The following TMEM248 variants were observed in gnomAD, a reference collection of about 807,000 sequenced individuals.
The protein encoded by TMEM248 is transmembrane protein 248.
Under a neutral mutation model 30.3 loss-of-function variants are expected in TMEM248, and 9 were observed. The ratio of observed to expected loss-of-function variants is 0.30; its 90% confidence interval spans 0.18 to 0.52. TMEM248 has a LOEUF of 0.52. TMEM248 is among the 20% of genes least tolerant of loss of function. The pLI, the probability that TMEM248 is intolerant of heterozygous loss-of-function variation, is 0.97. For synonymous variants in TMEM248, 184 were observed against 154.4 expected (o/e 1.19, Z -1.42); for missense variants, 338 against 403.3 (o/e 0.84, Z 1.39).
chr7:66,933,879 C>G (rs1215058238), intron 1 of TMEM248, among the ~76,000 whole-genome samples: 1 of 152,148 alleles, frequency 6.6e-6, no homozygotes, highest in East Asian at 1.9e-4. Context: ...CTTTCTTCAT[C>G]TTGGTCAATA....
intron 1 of TMEM248, among the ~76,000 whole-genome samples, chr7:66,931,930 A>G (rs1276293790): frequency 1.3e-5 from 2 of 148,528 alleles, no homozygotes; most frequent in African/African-American, 5.0e-5. Context: ...TCAGCCTCTC[A>G]AGTAGCTGGG....
intron 1 of TMEM248, among the ~76,000 whole-genome samples, chr7:66,925,571 A>C (rs1791501220): frequency 6.6e-6 from 1 of 152,098 alleles, no homozygotes; most frequent in Non-Finnish European, 1.5e-5. Context: ...GCTTCTGTCC[A>C]TGTTGTGGCA....
Position 66,948,632 on chromosome 7 carries a change from G to A in TMEM248, c.534G>A (p.Glu178=). 1 of 1,614,156 alleles carries A rather than the reference G, an allele frequency of 6.2e-7. No homozygotes were observed. The highest frequency in any genetic ancestry group is 1.1e-5 in the South Asian group (1 of 91,076). ...SDDCALHGHC[E]QVVFTACMTL... is the part of the protein sequence containing the mutation. ...ACTGCGCCCTCCACGGTCACTGTGAGCAGGTGGTATTCACAGCCTGCATGA... is the reference window on the plus strand; with the variant it reads ...ACTGCGCCCTCCACGGTCACTGTGAACAGGTGGTATTCACAGCCTGCATGA... Residue 178 remains glutamate (E), a synonymous_variant, in exon 4 of 7, where the codon GAG becomes GAA. Transcript: ENST00000341567.
In TMEM248 at chr7:66,948,646, C is replaced by T; in HGVS notation, c.548C>T (p.Thr183Ile). ...LHGHCEQVVF[T>I]ACMTLTASPG... Reference sequence around the variant, plus strand: ...GGTCACTGTGAGCAGGTGGTATTCACAGCCTGCATGACCCTCACGGCCAGC... The same window carrying T: ...GGTCACTGTGAGCAGGTGGTATTCATAGCCTGCATGACCCTCACGGCCAGC... The change falls in exon 4 of 7, where the codon ACA becomes ATA. Residue 183 changes from threonine (T) to isoleucine (I), a missense_variant. Thr to Ile is a moderately conservative substitution (Grantham distance 89). Transcript: ENST00000341567. 1 of 1,614,110 alleles carries T rather than the reference C, an allele frequency of 6.2e-7. No homozygotes were observed. The highest frequency in any genetic ancestry group is 8.5e-7 in the Non-Finnish European group (1 of 1,179,966).
chr7:66,924,885 TA>T, intron 1 of TMEM248, among the ~76,000 whole-genome samples: 1 of 151,434 alleles, frequency 6.6e-6, no homozygotes, highest in African/African-American at 2.4e-5. Flanking sequence ...AATTTTTTTG[TA>T]TTTTAGTAGA....
At chr7:66,941,334 C>G (rs1791944666) in intron 1 of TMEM248, among the ~76,000 whole-genome samples, 1 of 146,934 alleles carries the variant, frequency 6.8e-6, no homozygotes, top group Non-Finnish European at 1.5e-5. Flanking sequence ...TGAGCCAAGA[C>G]TACACCATTG....
chr7:66,948,254 G>A (rs1183442524), intron 3 of TMEM248, among the ~76,000 whole-genome samples: 3 of 152,200 alleles, frequency 2.0e-5, no homozygotes, highest in Non-Finnish European at 4.4e-5. Context: ...AAATGCTGGG[G>A]ATAATTCACC....
intron 6 of TMEM248, among the ~76,000 whole-genome samples, chr7:66,954,502 C>G (rs942480515): frequency 1.3e-5 from 2 of 151,146 alleles, no homozygotes; most frequent in Admixed American, 1.3e-4. Flanking sequence ...CTCCCAGGCT[C>G]AAGCGATCGT....
chr7:66,952,626 T>C (rs543585936), intron 5 of TMEM248, among the ~76,000 whole-genome samples: 1 of 152,346 alleles, frequency 6.6e-6, no homozygotes, highest in African/African-American at 2.4e-5. Context: ...GAACCATGTC[T>C]GGGGTCCCTT....
intron 2 of TMEM248, among the ~76,000 whole-genome samples, 189 bp downstream of exon 2, chr7:66,942,213 T>C (rs568403820): frequency 1.3e-5 from 2 of 152,236 alleles, no homozygotes; most frequent in African/African-American, 4.8e-5. Context: ...TAGATGGGTA[T>C]TGTTCGATTT....
intron 1 of TMEM248, among the ~76,000 whole-genome samples, chr7:66,932,057 G>A (rs1029831235): frequency 1.3e-5 from 2 of 151,742 alleles, no homozygotes; most frequent in African/African-American, 2.4e-5. Flanking sequence ...ACCCACCTTG[G>A]CCTCCCAAAG....
Position 66,921,286 on chromosome 7 carries a change from T to TG in TMEM248, c.-192dup, listed in dbSNP as rs986345132. On this transcript the variant is annotated 5_prime_UTR_variant, in exon 1 of 7. Transcript: ENST00000341567. ...CGGCGGCGGGAGCCCGGTTGGCGTC[T>TG]GGTCTTCGCGTCGGCCCCGCGGAGC... 2 of 150,176 alleles carry TG rather than the reference T, an allele frequency of 1.3e-5. No homozygotes were observed. The highest frequency in any genetic ancestry group is 3.0e-5 in the Non-Finnish European group (2 of 67,460). The allele number at this position is 150,176 out of a possible 1,614,324, so 9.3% of individuals were successfully genotyped here. A position where few individuals can be genotyped will look rare whatever the true frequency, so the allele number is the denominator to read the frequency against.
At chr7:66,933,865 ATTTC>A (rs1457192259) in intron 1 of TMEM248, among the ~76,000 whole-genome samples, 1 of 152,116 alleles carries the variant, frequency 6.6e-6, no homozygotes, top group African/African-American at 2.4e-5. Flanking sequence ...AGCAGTGGTC[ATTTC>A]TTTCTTCATC....
chr7:66,929,696 A>C (rs1182240120), intron 1 of TMEM248, among the ~76,000 whole-genome samples: 2 of 151,990 alleles, frequency 1.3e-5, no homozygotes, highest in Non-Finnish European at 2.9e-5. Context: ...GGCCTCCCAA[A>C]ATGCTGGCAT....
At chr7:66,922,880 A>G (rs561150824) in intron 1 of TMEM248, among the ~76,000 whole-genome samples, 9 of 151,898 alleles carry the variant, frequency 5.9e-5, no homozygotes, top group African/African-American at 2.2e-4. Context: ...TAATTTTTGT[A>G]TTTTTAGTAG....
intron 6 of TMEM248, among the ~76,000 whole-genome samples, chr7:66,954,109 A>G (rs752581945): frequency 6.6e-6 from 1 of 151,010 alleles, no homozygotes; most frequent in Non-Finnish European, 1.5e-5. Context: ...ACACTCAGCT[A>G]ATTTTTGTAT....
rs184506116 is a variant in TMEM248, at chr7:66,938,015, T to C, written c.-18-3833T>C. Among the ~76,000 whole-genome samples the C allele has an allele frequency of 1.3e-3, 193 of 152,308 alleles. 1 individual carries two copies. Among genetic ancestry groups the C allele is most frequent in the African/African-American group, 4.5e-3 (186 of 41,574 alleles). Reference sequence around the variant, plus strand: ...TGCTGAGATTACAGGTGTGAGCCACTGCGCCCGGTTATTTCTTTATTTCCA... The same window carrying C: ...TGCTGAGATTACAGGTGTGAGCCACCGCGCCCGGTTATTTCTTTATTTCCA... On this transcript the variant is annotated intron_variant, in intron 1 of 6. Coordinates refer to ENST00000341567, the MANE Select transcript of TMEM248 (RefSeq NM_017994.5).
intron 1 of TMEM248, among the ~76,000 whole-genome samples, chr7:66,941,203 A>T (rs1457579810): frequency 6.6e-6 from 1 of 152,152 alleles, no homozygotes; most frequent in East Asian, 1.9e-4. Flanking sequence ...CAATATGGTG[A>T]AACCCCATCT....
intron 1 of TMEM248, among the ~76,000 whole-genome samples, chr7:66,933,891 C>G (rs1791733019): frequency 2.6e-5 from 4 of 152,078 alleles, no homozygotes. Context: ...TGGTCAATAC[C>G]AGGATGCCCT....
Sources: gnomAD v4.1 joint callset for allele counts (sites outside exome capture counted in the v4.1 genomes callset) on GRCh38, gnomAD v4.1.1 for gene constraint, MANE v1.5 for transcripts, NCBI Gene and HGNC (gene_info 2026-07-23, HGNC 2026-07-21) for gene names.